TET1: variants seen among roughly 807,000 people sequenced by gnomAD.
The protein encoded by TET1 is tet methylcytosine dioxygenase 1.
In TET1, 13 loss-of-function variants were observed where a neutral mutation model predicts 148.7. That is an observed-to-expected ratio of 0.09 (90% CI 0.06 to 0.14). TET1 has a LOEUF of 0.14. Among genes scored for constraint, TET1 ranks in the 10% least tolerant of loss-of-function variants. The pLI is 1.00. For synonymous variants in TET1, 907 were observed against 937.2 expected (o/e 0.97, Z 0.59); for missense variants, 2,182 against 2,553.8 (o/e 0.85, Z 3.14).
chr10:68,658,275 A>G (rs7916828), intron 6 of TET1, among the ~76,000 whole-genome samples: 27,557 of 151,664 alleles, frequency 0.18, 3,103 homozygotes, highest in African/African-American at 0.31. Context: ...GCAGTGGCAC[A>G]ATCTCGGCTC....
At chr10:68,598,973 C>T (rs2054020280) in intron 2 of TET1, among the ~76,000 whole-genome samples, 1 of 152,060 alleles carries the variant, frequency 6.6e-6, no homozygotes, top group Admixed American at 6.6e-5. Flanking sequence ...AGGCGTGAGC[C>T]ACTGTGCCCG....
intron 1 of TET1, among the ~76,000 whole-genome samples, chr10:68,565,475 A>AAAAAAAATATAT (rs1388182777): frequency 7.7e-5 from 10 of 129,232 alleles, no homozygotes; most frequent in Admixed American, 5.8e-4. Context: ...AAAAAAAAAA[A>AAAAAAAATATAT]ATATATATAT....
At position 68,653,000 on chromosome 10, in the gene TET1, A is replaced by C. The variant is rs191821282; in HGVS notation, c.4461+406A>C. Among the ~76,000 whole-genome samples the C allele has an allele frequency of 5.3e-5, 8 of 151,848 alleles. No homozygotes were observed. The East Asian group carries it at 1.5e-3, about 29-fold the overall frequency. On this transcript the variant is annotated intron_variant, in intron 6 of 11. Transcript: ENST00000373644. Reference sequence around the variant, plus strand: ...ATTGGCCATTTGTGATGAAAGTTGCAAATATATTTTCTCAGTTTGTTGTGG... The same window carrying C: ...ATTGGCCATTTGTGATGAAAGTTGCCAATATATTTTCTCAGTTTGTTGTGG...
rs552067923 is a variant in TET1, at chr10:68,633,890, GA to G, written c.1969-10807del. 6.6e-5 allele frequency among the ~76,000 whole-genome samples: 10 copies of G among 152,270 alleles called. No homozygotes were observed. In the East Asian group the frequency reaches 1.9e-3, roughly 29 times the overall value. ...CCAAGGAATATTTGGAGGGAAAATGGACCATGACCTTTGACCACATCCTCAA... is the reference window on the plus strand; with the variant it reads ...CCAAGGAATATTTGGAGGGAAAATGGCCATGACCTTTGACCACATCCTCAA... On this transcript the variant is annotated intron_variant, in intron 3 of 11. Coordinates refer to ENST00000373644, the MANE Select transcript of TET1 (RefSeq NM_030625.3).
rs529814509 is a variant in TET1 at position 68,602,039 on chromosome 10, A to T, written c.1968+1005A>T. Among the ~76,000 whole-genome samples the T allele has an allele frequency of 3.3e-5, 5 of 152,296 alleles. No homozygotes were observed. The East Asian group carries it at 9.6e-4, about 29-fold the overall frequency. ...TTGAAAATGTTGACACGGAGAACCA[A>T]ACCTTGCCCTGCTTTCAAATTTGCC... On this transcript the variant is annotated intron_variant, in intron 3 of 11. Transcript: ENST00000373644.
chr10:68,686,603 C>A lies in TET1; in HGVS notation c.5300C>A (p.Ala1767Glu). The change falls in exon 11 of 12, where the codon GCA becomes GAA. Residue 1767 changes from alanine to glutamate, a missense_variant. Coordinates refer to ENST00000373644, the MANE Select transcript of TET1 (RefSeq NM_030625.3). ...GCTGCGATGATGACAGAGGTTCTTG[C>A]ACATAAGATAAGGGCAGTGGAAAAG... is the stretch of plus-strand genomic sequence containing the variant. Reference protein sequence around the residue: ...KRAAMMTEVLAHKIRAVEKKP... With the variant: ...KRAAMMTEVLEHKIRAVEKKP... 1 of 1,614,170 alleles carries A rather than the reference C, an allele frequency of 6.2e-7. No homozygotes were observed. The highest frequency in any genetic ancestry group is 8.5e-7 in the Non-Finnish European group (1 of 1,180,028).
intron 8 of TET1, among the ~76,000 whole-genome samples, chr10:68,674,110 C>T (rs1450542202): frequency 6.6e-6 from 1 of 151,732 alleles, no homozygotes; most frequent in Non-Finnish European, 1.5e-5. Context: ...TACAGGCATG[C>T]ACCACCATCA....
At chr10:68,662,354 G>C (rs931954274) in intron 6 of TET1, among the ~76,000 whole-genome samples, 3 of 152,094 alleles carry the variant, frequency 2.0e-5, no homozygotes, top group African/African-American at 7.2e-5. Flanking sequence ...TAAGCTAAGA[G>C]TGATAATTTT....
In TET1 at chr10:68,581,484, G is replaced by A. The variant is rs76897422; in HGVS notation, c.1914+7232G>A. Among the ~76,000 whole-genome samples, 348 of 152,292 alleles carry A rather than the reference G, an allele frequency of 2.3e-3. 3 individuals are homozygous for A. Among genetic ancestry groups the A allele is most frequent in the African/African-American group, 7.7e-3 (320 of 41,560 alleles). On this transcript the variant is annotated intron_variant, in intron 2 of 11. Coordinates refer to ENST00000373644, the MANE Select transcript of TET1 (RefSeq NM_030625.3). ...ACTGTAGAGCTATTCGCAGACATTA[G>A]AGAGTAGGTGCTTTGGCTAAGCTAC... is the stretch of plus-strand genomic sequence containing the variant.
At chr10:68,629,280 G>A (rs35786810) in intron 3 of TET1, among the ~76,000 whole-genome samples, 21,939 of 151,718 alleles carry the variant, frequency 0.14, 1,875 homozygotes, top group South Asian at 0.24. Flanking sequence ...GAGGAGAATC[G>A]CTTGAACTTG....
intron 2 of TET1, among the ~76,000 whole-genome samples, chr10:68,595,879 G>GT (rs34707727): frequency 0.26 from 33,018 of 127,122 alleles, 5,386 homozygotes; most frequent in African/African-American, 0.44. Flanking sequence ...GCCTCCCAAA[G>GT]TTTGGGATTA....
At chr10:68,657,398 G>C (rs972142588) in intron 6 of TET1, among the ~76,000 whole-genome samples, 4 of 152,016 alleles carry the variant, frequency 2.6e-5, no homozygotes, top group African/African-American at 9.7e-5. Flanking sequence ...GGATGGTCTC[G>C]ATCTCCCGAC....
rs150162357 is a variant in TET1, at chr10:68,610,693, G to A, written c.1968+9659G>A. Among the ~76,000 whole-genome samples the A allele has an allele frequency of 1.8e-3, 269 of 152,022 alleles. 2 individuals carry two copies. Among genetic ancestry groups the A allele is most frequent in the African/African-American group, 5.9e-3 (246 of 41,464 alleles). The stretch of plus-strand genomic sequence containing the variant: ...ACTTTTTTTTGACAAGGTCTTCCTC[G>A]GTCACCCAGGCTAGAGTGTAGTGGT... On this transcript the variant is annotated intron_variant, in intron 3 of 11. Transcript: ENST00000373644.
At chr10:68,674,920 C>T (rs12783848) in intron 8 of TET1, 37,828 of 379,402 alleles carry the variant, frequency 0.1, 2,343 homozygotes, top group South Asian at 0.13. Flanking sequence ...AAATTCTTGC[C>T]AATCTATCCT....
At chr10:68,624,602 C>CTCTCTCTT (rs2054426665) in intron 3 of TET1, among the ~76,000 whole-genome samples, 2 of 113,952 alleles carry the variant, frequency 1.8e-5, no homozygotes, top group Admixed American at 1.9e-4. Flanking sequence ...TTTTCTTTTT[C>CTCTCTCTT]TCTTTCTTTC....
chr10:68,686,986 C>G (rs2055521308), intron 11 of TET1, among the ~76,000 whole-genome samples: 1 of 151,200 alleles, frequency 6.6e-6, no homozygotes, highest in African/African-American at 2.4e-5. Flanking sequence ...CTCCTGGGTT[C>G]ACGCCATTCT....
chr10:68,624,614 TTC>T (rs1369796120), intron 3 of TET1, among the ~76,000 whole-genome samples: 1 of 28,556 alleles, frequency 3.5e-5, no homozygotes, highest in Non-Finnish European at 6.3e-5. Context: ...CTTTCTTTCT[TTC>T]TTTCTTTCTT....
chr10:68,649,213 A>C (rs1377716483), intron 4 of TET1, among the ~76,000 whole-genome samples: 1 of 152,206 alleles, frequency 6.6e-6, no homozygotes, highest in African/African-American at 2.4e-5. Context: ...TTTCATAGCT[A>C]TCCAGTAACT....
At chr10:68,635,863 G>A (rs74610383) in intron 3 of TET1, among the ~76,000 whole-genome samples, 3,306 of 152,216 alleles carry the variant, frequency 0.022, 56 homozygotes, top group Non-Finnish European at 0.033. Flanking sequence ...ATAAAGTAGA[G>A]TCCTCTAGGA....
Sources: allele counts gnomAD v4.1 joint callset (sites outside exome capture counted in the v4.1 genomes callset), GRCh38; gene constraint gnomAD v4.1.1; transcripts MANE v1.5; gene names NCBI Gene and HGNC (gene_info 2026-07-23, HGNC 2026-07-21).